Variants in EVC observed in about 807,000 individuals in gnomAD.
EVC encodes the protein evC complex member EVC.
A neutral mutation model predicts 118.9 loss-of-function variants in EVC; 116 were observed. The observed-to-expected ratio is 0.98, with a 90% confidence interval of 0.84 to 1.14. The LOEUF (loss-of-function observed/expected upper bound fraction) is 1.14, where lower values mean the gene tolerates loss of function less well. Among genes scored for constraint, EVC ranks in the 50% most tolerant of loss-of-function variants. EVC has a pLI of 0.00. For missense variants in EVC, 1,401 were observed against 1,246.4 expected (o/e 1.12, Z -1.87); for synonymous variants, 619 against 534.7 (o/e 1.16, Z -2.18).
At position 5,756,115 on chromosome 4, in the gene EVC, G is replaced by T. The variant is rs1283782420; in HGVS notation, c.1465-149G>T. 5.2e-5 allele frequency: 35 copies of T among 674,892 alleles called. No homozygotes were observed. The highest frequency in any genetic ancestry group is 9.2e-5 in the Non-Finnish European group (35 of 380,054). The allele number at this position is 674,892 out of a possible 1,614,324, so 41.8% of individuals were successfully genotyped here. The stretch of plus-strand genomic sequence containing the variant: ...CATCAGCTGTGAAAGCCATGTGACA[G>T]CCCCATGCCTCAGTTTCCTTGTGTG... On this transcript the variant is annotated intron_variant, in intron 10 of 20. Transcript: ENST00000264956. The surrounding 1 kb of genome is among the most constrained non-coding windows in gnomAD (Gnocchi z 4.2).
rs1712412517 is a variant in EVC, at chr4:5,789,771, A to G, written c.1777-3837A>G. 1.3e-5 allele frequency among the ~76,000 whole-genome samples: 2 copies of G among 152,242 alleles called. No individual in the cohort carries two copies. The highest frequency in any genetic ancestry group is 4.1e-4 in the South Asian group (2 of 4,832). On this transcript the variant is annotated intron_variant, in intron 12 of 20. Coordinates refer to ENST00000264956, the MANE Select transcript of EVC (RefSeq NM_153717.3). This position sits in a 1 kb window ranked among gnomAD's most constrained non-coding sequence, Gnocchi z 4.3. Reference sequence around the variant, plus strand: ...AACAGCTGCAGGCACCATCTGGTCCAGAGATCTTGACCTTATCGATCATCA... The same window carrying G: ...AACAGCTGCAGGCACCATCTGGTCCGGAGATCTTGACCTTATCGATCATCA...
At chr4:5,727,382 G>A (rs2151906238) in intron 2 of EVC, among the ~76,000 whole-genome samples, 1 of 152,168 alleles carries the variant, frequency 6.6e-6, no homozygotes, top group East Asian at 1.9e-4. Context: ...TTTGAGAAGT[G>A]TCTGTTCATG....
rs73073786 is a variant in EVC, at chr4:5,749,762, C to T, written c.1098+1456C>T. Among the ~76,000 whole-genome samples the T allele has an allele frequency of 0.039, 5,885 of 152,232 alleles. 323 individuals are homozygous for T. The highest frequency in any genetic ancestry group is 0.14 in the East Asian group (704 of 5,160). On this transcript the variant is annotated intron_variant, in intron 8 of 20. Transcript: ENST00000264956. The surrounding 1 kb of genome is among the most constrained non-coding windows in gnomAD (Gnocchi z 4.4). ...CCGTGTGGCAGCTCGGCTCAGAACC[C>T]TGCAGTGGCCACCCTGCCCTCAGCA...
chr4:5,752,865 G>A lies in EVC; in HGVS notation c.1128G>A (p.Ala376=), dbSNP rs111234281. 336 of 1,614,172 alleles carry A rather than the reference G, an allele frequency of 2.1e-4. No homozygotes were observed. The highest frequency in any genetic ancestry group is 1.7e-3 in the African/African-American group (124 of 75,060). ...LDALERTMGR[A]HMAKVIEFLK... ...CCCTGGAGAGGACGATGGGGCGGGCGCACATGGCAAAAGTGATTGAGTTTC... is the reference window on the plus strand; with the variant it reads ...CCCTGGAGAGGACGATGGGGCGGGCACACATGGCAAAAGTGATTGAGTTTC... The change falls in exon 9 of 21, where the codon GCG becomes GCA. Residue 376 remains alanine, a synonymous_variant. Transcript: ENST00000264956.
intron 12 of EVC, among the ~76,000 whole-genome samples, chr4:5,786,867 G>A (rs1433836237): frequency 5.1e-5 from 6 of 117,356 alleles, no homozygotes; most frequent in Non-Finnish European, 8.6e-5. Flanking sequence ...GCGAGACTCC[G>A]TCTCAAAAAA....
chr4:5,823,705 T>C, the EVC span, among the ~76,000 whole-genome samples: 10 of 152,222 alleles, frequency 6.6e-5, no homozygotes, highest in African/African-American at 1.9e-4. Context: ...TCCTTCGCCT[T>C]CTGCCATGCT....
At chr4:5,817,179 G>A (rs1717840854), downstream of EVC, among the ~76,000 whole-genome samples, 1 of 152,226 alleles carries the variant, frequency 6.6e-6, no homozygotes. Flanking sequence ...TGGAGTCATG[G>A]AGGTCCTGGT....
At chr4:5,725,345 G>GT (rs1428656158) in intron 2 of EVC, among the ~76,000 whole-genome samples, 1 of 152,206 alleles carries the variant, frequency 6.6e-6, no homozygotes. Context: ...CACCAACAGT[G>GT]TAAAAGTTTT....
rs979846319 is a variant in EVC at position 5,793,605 on chromosome 4, C to G, written c.1777-3C>G. 1 of 1,551,398 alleles carries G rather than the reference C, an allele frequency of 6.4e-7. No homozygotes were observed. Among genetic ancestry groups the G allele is most frequent in the East Asian group, 2.4e-5 (1 of 40,950 alleles). On this transcript the variant is annotated splice_region_variant and splice_polypyrimidine_tract_variant and intron_variant, in intron 12 of 20. Coordinates refer to ENST00000264956, the MANE Select transcript of EVC (RefSeq NM_153717.3). ...CTGCTCTGTCCCTCTGTCCCGAGTT[C>G]AGGTGTGGATGGAGGAGTGTGCGCT...
chr4:5,711,319 C>A lies in EVC; in HGVS notation c.-62C>A. 1.0e-6 allele frequency: 1 copy of A among 995,916 alleles called. No individual in the cohort carries two copies. The highest frequency in any genetic ancestry group is 1.2e-6 in the Non-Finnish European group (1 of 834,812). The allele number at this position is 995,916 out of a possible 1,614,324, so 61.7% of individuals were successfully genotyped here. On this transcript the variant is annotated 5_prime_UTR_variant, in exon 1 of 21. Transcript: ENST00000264956. ...CCGGGCTCCAAGTCCCGCGTCGCCG[C>A]CCTGGCGGGGACGGTGCAGCAGGCG...
At chr4:5,805,013 C>CT (rs1434798403) in intron 17 of EVC, among the ~76,000 whole-genome samples, 172 bp downstream of exon 17, 3 of 152,188 alleles carry the variant, frequency 2.0e-5, no homozygotes, top group Non-Finnish European at 4.4e-5. Flanking sequence ...CATGCAGCAC[C>CT]TGGAGTGGCA....
At chr4:5,815,729 A>G (rs1292292650), downstream of EVC, among the ~76,000 whole-genome samples, 3 of 152,302 alleles carry the variant, frequency 2.0e-5, no homozygotes, top group Non-Finnish European at 2.9e-5. Context: ...TGTTTCCTCT[A>G]TAGCCCTTAA....
Position 5,737,071 on chromosome 4 carries a change from C to T in EVC, c.702+3636C>T, listed in dbSNP as rs1052653726. 2.6e-5 allele frequency among the ~76,000 whole-genome samples: 4 copies of T among 152,178 alleles called. No homozygotes were observed. The highest frequency in any genetic ancestry group is 2.1e-4 in the South Asian group (1 of 4,830). ...AAATTAAAAGTGCTACGCCAGTGAA[C>T]ACACGAATGATCAGAAAGCAAAACA... On this transcript the variant is annotated intron_variant, in intron 5 of 20. Coordinates refer to ENST00000264956, the MANE Select transcript of EVC (RefSeq NM_153717.3). The surrounding 1 kb of genome is among the most constrained non-coding windows in gnomAD (Gnocchi z 5.0).
chr4:5,765,962 A>G (rs1478208911), intron 11 of EVC, among the ~76,000 whole-genome samples: 5 of 127,738 alleles, frequency 3.9e-5, no homozygotes, highest in South Asian at 5.8e-4. Context: ...TTAGCTGGTT[A>G]TTTTGCTCGT....
the EVC span, among the ~76,000 whole-genome samples, chr4:5,819,882 T>G: frequency 6.6e-6 from 1 of 152,228 alleles, no homozygotes; most frequent in East Asian, 1.9e-4. Context: ...CCAACACTTC[T>G]TTCAACCTTG....
chr4:5,828,491 T>G, the EVC span: 2 of 1,613,976 alleles, frequency 1.2e-6, no homozygotes, highest in Non-Finnish European at 1.7e-6. Context: ...ACACTCACCT[T>G]ATTCCTGATT....
chr4:5,808,671 C>A (rs1003416219), intron 18 of EVC, among the ~76,000 whole-genome samples: 1 of 152,214 alleles, frequency 6.6e-6, no homozygotes, highest in East Asian at 1.9e-4. Flanking sequence ...GTAATGGTGA[C>A]CTCTGTGTCA....
At chr4:5,792,700 T>TC (rs2152323142) in intron 12 of EVC, among the ~76,000 whole-genome samples, 1 of 152,280 alleles carries the variant, frequency 6.6e-6, no homozygotes, top group South Asian at 2.1e-4. Context: ...CTACAAACTG[T>TC]CACAACTATG....
At position 5,743,788 on chromosome 4, in the gene EVC, A is replaced by G. The variant is rs1021964655; in HGVS notation, c.802-1416A>G. Among the ~76,000 whole-genome samples, 1 of 152,180 alleles carries G rather than the reference A, an allele frequency of 6.6e-6. No individual in the cohort carries two copies. The highest frequency in any genetic ancestry group is 2.4e-5 in the African/African-American group (1 of 41,448). The stretch of plus-strand genomic sequence containing the variant: ...GTGCTTGACATACATTATTTCATTT[A>G]ATAGTTATGACAGCCCTGTGAGTGG... On this transcript the variant is annotated intron_variant, in intron 6 of 20. Coordinates refer to ENST00000264956, the MANE Select transcript of EVC (RefSeq NM_153717.3). This position sits in a 1 kb window ranked among gnomAD's most constrained non-coding sequence, Gnocchi z 4.7.
Sources: allele counts gnomAD v4.1 joint callset (sites outside exome capture counted in the v4.1 genomes callset), GRCh38; gene constraint gnomAD v4.1.1; non-coding constraint Gnocchi (gnomAD v3.1); transcripts MANE v1.5; gene names NCBI Gene and HGNC (gene_info 2026-07-23, HGNC 2026-07-21).